FTO: variants seen among roughly 807,000 people sequenced by gnomAD.
The protein encoded by FTO is alpha-ketoglutarate-dependent dioxygenase FTO.
A neutral mutation model predicts 63.9 loss-of-function variants in FTO; 47 were observed. That is an observed-to-expected ratio of 0.74 (90% CI 0.58 to 0.94). FTO has a LOEUF of 0.94. Among genes scored for constraint, FTO ranks in the 40% least tolerant of loss-of-function variants. The pLI is 0.00. For synonymous variants in FTO, 207 were observed against 224.4 expected, an observed-to-expected ratio of 0.92 and a Z score of 0.69; for missense variants, 562 against 618.1, an observed-to-expected ratio of 0.91 and a Z score of 0.96.
chr16:53,877,264 C>T (rs2080683820), intron 5 of FTO, among the ~76,000 whole-genome samples: 1 of 152,178 alleles, frequency 6.6e-6, no homozygotes, highest in African/African-American at 2.4e-5. Flanking sequence ...CAGGAATGTT[C>T]ATAATCACCA....
At chr16:53,889,041 T>A in intron 7 of FTO, 90 bp downstream of exon 7, 1 of 1,351,246 alleles carries the variant, frequency 7.4e-7, no homozygotes. Context: ...AATGTAGATT[T>A]AATTATTCCT....
chr16:54,062,379 G>A (rs1313621971), intron 8 of FTO, among the ~76,000 whole-genome samples: 3 of 152,032 alleles, frequency 2.0e-5, no homozygotes, highest in Non-Finnish European at 2.9e-5. Context: ...AGGGGGGTGC[G>A]GCAGGAAAGT....
chr16:53,858,173 C>A (rs1188452147), intron 4 of FTO, among the ~76,000 whole-genome samples: 2 of 152,102 alleles, frequency 1.3e-5, no homozygotes, highest in East Asian at 1.9e-4. Context: ...TGAGCATGTA[C>A]CCTAATTCAT....
intron 8 of FTO, among the ~76,000 whole-genome samples, chr16:54,097,629 A>G (rs2086547141): frequency 6.6e-6 from 1 of 152,196 alleles, no homozygotes; most frequent in Non-Finnish European, 1.5e-5. Context: ...CACAGTATTT[A>G]TTGCTGCTAC....
chr16:53,717,926 C>T (rs111933120), intron 1 of FTO, among the ~76,000 whole-genome samples: 2 of 152,068 alleles, frequency 1.3e-5, no homozygotes, highest in Non-Finnish European at 1.5e-5. Context: ...AATTTGGCAG[C>T]ATGAGGCCCC....
At chr16:54,087,195 G>A (rs1415938260) in intron 8 of FTO, among the ~76,000 whole-genome samples, 2 of 152,188 alleles carry the variant, frequency 1.3e-5, no homozygotes, top group African/African-American at 2.4e-5. Flanking sequence ...GAAAACAAGC[G>A]TGAACACCTA....
At chr16:54,078,036 T>A (rs2086043652) in intron 8 of FTO, among the ~76,000 whole-genome samples, 1 of 152,120 alleles carries the variant, frequency 6.6e-6, no homozygotes, top group African/African-American at 2.4e-5. Context: ...GCACTGTCTG[T>A]CGAAAAACTT....
chr16:53,996,726 T>C (rs1258996258), intron 8 of FTO, among the ~76,000 whole-genome samples: 1 of 152,106 alleles, frequency 6.6e-6, no homozygotes, highest in Non-Finnish European at 1.5e-5. Context: ...CTGACAGTCA[T>C]GGCAGAAGGA....
intron 1 of FTO, among the ~76,000 whole-genome samples, chr16:53,727,683 G>T (rs1213009313): frequency 6.6e-6 from 1 of 152,178 alleles, no homozygotes; most frequent in Non-Finnish European, 1.5e-5. Context: ...CTAACATTGT[G>T]CAGTGGATGG....
rs1384759309 is a variant in FTO at position 53,844,234 on chromosome 16, A to G, written c.831A>G (p.Ser277=). ...PDIWHVGFKI[S]WDIETPGLAI... ...TTTGGCATGTTGGTTTTAAGATCTC[A>G]TGGGACATAGAGACACCTGGTTTGG... The change falls in exon 4 of 9, where the codon TCA becomes TCG. Residue 277 remains serine (S), a synonymous_variant. Transcript: ENST00000471389. 1 of 1,606,352 alleles carries G rather than the reference A, an allele frequency of 6.2e-7. No individual in the cohort carries two copies. Among genetic ancestry groups the G allele is most frequent in the Non-Finnish European group, 8.5e-7 (1 of 1,172,994 alleles).
At chr16:53,834,530 G>A (rs1598779927) in intron 3 of FTO, among the ~76,000 whole-genome samples, 1 of 152,144 alleles carries the variant, frequency 6.6e-6, no homozygotes, top group East Asian at 1.9e-4. Flanking sequence ...AGTGATCAGA[G>A]CTGTATCCAC....
intron 8 of FTO, among the ~76,000 whole-genome samples, chr16:54,026,089 A>G (rs2084708836): frequency 6.6e-6 from 1 of 152,216 alleles, no homozygotes; most frequent in Non-Finnish European, 1.5e-5. Flanking sequence ...TGCTGGAGAA[A>G]TGGCTCATGT....
At chr16:53,780,199 C>T (rs2077553611) in intron 1 of FTO, among the ~76,000 whole-genome samples, 1 of 152,132 alleles carries the variant, frequency 6.6e-6, no homozygotes, top group African/African-American at 2.4e-5. Context: ...TGTCCTTGCT[C>T]GTTCACTGTG....
At chr16:53,816,336 C>T (rs550648247) in intron 2 of FTO, among the ~76,000 whole-genome samples, 14 of 152,258 alleles carry the variant, frequency 9.2e-5, no homozygotes, top group East Asian at 3.9e-4. Context: ...ACACAGCATC[C>T]GGAATGATCT....
chr16:54,028,469 C>A (rs1300448044), intron 8 of FTO, among the ~76,000 whole-genome samples: 1 of 152,100 alleles, frequency 6.6e-6, no homozygotes, highest in African/African-American at 2.4e-5. Context: ...CAAAGATGTG[C>A]CAAGCCAAGT....
chr16:53,939,135 G>C (rs7197260), intron 8 of FTO, among the ~76,000 whole-genome samples: 2 of 151,952 alleles, frequency 1.3e-5, no homozygotes, highest in Non-Finnish European at 2.9e-5. Context: ...ATACTGACTC[G>C]TAATACAGGC....
rs1428284981 is a variant in FTO, at chr16:54,120,110, A to C, written c.*8195A>C. 1 of 152,270 alleles carries C rather than the reference A, an allele frequency of 6.6e-6. No homozygotes were observed. The highest frequency in any genetic ancestry group is 2.4e-5 in the African/African-American group (1 of 41,466). The allele number at this position is 152,270 out of a possible 1,614,324, so 9.4% of individuals were successfully genotyped here. On this transcript the variant is annotated 3_prime_UTR_variant, in exon 9 of 9. Coordinates refer to ENST00000471389, the MANE Select transcript of FTO (RefSeq NM_001080432.3). ...CGGTGGGAGAAATTGTTCTGAAAGC[A>C]TGAAGCCCAGCTGAGGCCAAAATCA...
chr16:53,863,888 A>T lies in FTO; in HGVS notation c.896-9898A>T, dbSNP rs369948013. Among the ~76,000 whole-genome samples, 119 of 152,146 alleles carry T rather than the reference A, an allele frequency of 7.8e-4. 1 individual carries two copies. Among genetic ancestry groups the T allele is most frequent in the African/African-American group, 2.5e-3 (105 of 41,520 alleles). ...CTTTGCCCTTCTTTAATCTAATTCCACCTATACTATATTCAGCGCAATCAT... is the reference window on the plus strand; with the variant it reads ...CTTTGCCCTTCTTTAATCTAATTCCTCCTATACTATATTCAGCGCAATCAT... On this transcript the variant is annotated intron_variant, in intron 4 of 8. Coordinates refer to ENST00000471389, the MANE Select transcript of FTO (RefSeq NM_001080432.3).
intron 1 of FTO, among the ~76,000 whole-genome samples, chr16:53,801,219 C>T (rs1232539215): frequency 1.3e-5 from 2 of 149,632 alleles, no homozygotes; most frequent in African/African-American, 2.4e-5. Flanking sequence ...CTTTTGTTGG[C>T]TTATTACTTG....
Sources: allele counts gnomAD v4.1 joint callset (sites outside exome capture counted in the v4.1 genomes callset), GRCh38; gene constraint gnomAD v4.1.1; transcripts MANE v1.5; gene names NCBI Gene and HGNC (gene_info 2026-07-23, HGNC 2026-07-21).